The following MEGF11 variants were observed in gnomAD, a reference collection of about 807,000 sequenced individuals.
The protein encoded by MEGF11 is multiple EGF like domains 11.
MEGF11 carries 126 observed loss-of-function variants against 146.6 expected under a neutral mutation model. The ratio of observed to expected loss-of-function variants is 0.86; its 90% CI spans 0.74 to 1.00. The LOEUF is 1.00. Ranked by LOEUF, MEGF11 falls within the 50% of genes least tolerant of loss-of-function variation. MEGF11 has a pLI of 0.00. For missense variants in MEGF11, 1,509 were observed against 1,521.2 expected, an observed-to-expected ratio of 0.99 and a Z score of 0.13; for synonymous variants, 532 against 583.4, an observed-to-expected ratio of 0.91 and a Z score of 1.27.
chr15:66,067,849 G>A (rs2140450771), intron 5 of MEGF11, among the ~76,000 whole-genome samples: 1 of 152,334 alleles, frequency 6.6e-6, no homozygotes, highest in Admixed American at 6.5e-5. Flanking sequence ...GCATGATAAA[G>A]AGACAGCAGG....
chr15:66,194,861 TA>T (rs931984733), intron 1 of MEGF11, among the ~76,000 whole-genome samples: 2 of 151,942 alleles, frequency 1.3e-5, no homozygotes, highest in African/African-American at 2.4e-5. Flanking sequence ...ATGTAGTTTC[TA>T]AAAAAAATAA....
intron 5 of MEGF11, among the ~76,000 whole-genome samples, chr15:66,008,782 C>T (rs966386717): frequency 3.3e-5 from 5 of 151,822 alleles, no homozygotes; most frequent in East Asian, 1.9e-4. Flanking sequence ...CATGATTGTG[C>T]CCCTGCGCTC....
At chr15:66,024,627 G>A (rs2083267642) in intron 5 of MEGF11, among the ~76,000 whole-genome samples, 1 of 152,184 alleles carries the variant, frequency 6.6e-6, no homozygotes, top group Non-Finnish European at 1.5e-5. Context: ...GCCCCATCTT[G>A]CAGATGTGAA....
chr15:66,003,374 C>A (rs1044845017), intron 5 of MEGF11, among the ~76,000 whole-genome samples: 1 of 152,070 alleles, frequency 6.6e-6, no homozygotes, highest in Non-Finnish European at 1.5e-5. Context: ...CTGCCATGTG[C>A]CAGTGAGTTA....
chr15:66,121,569 A>C (rs2088026784), intron 3 of MEGF11, among the ~76,000 whole-genome samples: 1 of 152,200 alleles, frequency 6.6e-6, no homozygotes, highest in Non-Finnish European at 1.5e-5. Flanking sequence ...AAGTTAGCAC[A>C]ACAATACTCC....
chr15:66,239,516 G>A (rs2092164934), intron 1 of MEGF11, among the ~76,000 whole-genome samples: 1 of 152,162 alleles, frequency 6.6e-6, no homozygotes, highest in South Asian at 2.1e-4. Context: ...CTACATATGC[G>A]CTTTCCCAGA....
intron 5 of MEGF11, among the ~76,000 whole-genome samples, chr15:66,009,381 AG>A (rs1379089580): frequency 6.6e-6 from 1 of 151,794 alleles, no homozygotes; most frequent in East Asian, 1.9e-4. Flanking sequence ...TTCTGGGAAG[AG>A]GAAGTGTCCT....
chr15:66,124,130 C>G lies in MEGF11; in HGVS notation c.99-130G>C, dbSNP rs917556389. 4.3e-6 allele frequency: 3 copies of G among 701,110 alleles called. No individual in the cohort carries two copies. The African/African-American group carries it at 5.3e-5, about 12-fold the overall frequency. 43.4% of individuals were successfully genotyped at this position (701,110 alleles called of 1,614,324 possible). A position where few individuals can be genotyped will look rare whatever the true frequency, so the allele number is the denominator to read the frequency against. On this transcript the variant is annotated intron_variant, in intron 2 of 25. Transcript: ENST00000395614. ...CAAGTGTCCGGAGGCTCTGACCTCC[C>G]CCCTCCCAACTATCCTCCCCCTGCC...
At chr15:66,073,447 C>A (rs1157089158) in intron 5 of MEGF11, among the ~76,000 whole-genome samples, 2 of 152,198 alleles carry the variant, frequency 1.3e-5, no homozygotes, top group East Asian at 3.9e-4. Context: ...CTCCATTTAT[C>A]TTATCTCCTC....
At chr15:66,166,182 G>C (rs1006579705) in intron 1 of MEGF11, among the ~76,000 whole-genome samples, 1 of 152,060 alleles carries the variant, frequency 6.6e-6, no homozygotes, top group South Asian at 2.1e-4. Flanking sequence ...GAACAAAATA[G>C]AACTCTGTGC....
chr15:66,229,150 A>T (rs2091912701), intron 1 of MEGF11, among the ~76,000 whole-genome samples: 1 of 152,086 alleles, frequency 6.6e-6, no homozygotes, highest in Admixed American at 6.6e-5. Flanking sequence ...TCAAGAAAAA[A>T]TGTTCTTAGT....
At chr15:66,137,302 C>G (rs191605205) in intron 1 of MEGF11, among the ~76,000 whole-genome samples, 2 of 152,254 alleles carry the variant, frequency 1.3e-5, no homozygotes, top group East Asian at 3.9e-4. Flanking sequence ...TCACTATAGT[C>G]AGAAAAGCAA....
intron 5 of MEGF11, among the ~76,000 whole-genome samples, chr15:66,058,146 TG>T (rs918337184): frequency 2.0e-5 from 3 of 152,060 alleles, no homozygotes; most frequent in African/African-American, 7.2e-5. Flanking sequence ...TTCAATGAGA[TG>T]GGCTCACAGA....
In MEGF11 at chr15:66,010,229, A is replaced by C. The variant is rs542161559; in HGVS notation, c.395-27741T>G. Among the ~76,000 whole-genome samples the C allele has an allele frequency of 5.6e-5, 8 of 144,068 alleles. No homozygotes were observed. The East Asian group carries it at 1.6e-3, about 30-fold the overall frequency. The allele number at this position is 144,068 out of a possible 152,430, so 94.5% of individuals were successfully genotyped here. On this transcript the variant is annotated intron_variant, in intron 5 of 25. Transcript: ENST00000395614. ...TTTTTTTTTGAGACAGTCTCACTCT[A>C]TTACCCAGGCTGGAATGCAGTAGCA...
In MEGF11 at chr15:65,915,485, T is replaced by C; in HGVS notation, c.2458A>G (p.Ile820Val). Residue 820 changes from isoleucine to valine, a missense_variant, in exon 19 of 26, where the codon ATC (isoleucine) becomes GTC (valine). Transcript: ENST00000395614. ...TGTGTATTACCTTGGTCACACCTGA[T>C]TCCTTTGAAGCCAGGGCTGCAGTAA... The part of the protein sequence containing the change: ...TCYCSPGFKG[I>V]RCDQAALMME... The C allele has an allele frequency of 2.5e-6, 4 of 1,613,962 alleles. No homozygotes were observed. Among genetic ancestry groups the C allele is most frequent in the Non-Finnish European group, 3.4e-6 (4 of 1,179,876 alleles).
At chr15:66,210,812 G>C (rs2091427281) in intron 1 of MEGF11, among the ~76,000 whole-genome samples, 1 of 152,182 alleles carries the variant, frequency 6.6e-6, no homozygotes, top group African/African-American at 2.4e-5. Context: ...GGCAAACATG[G>C]CAACATCTCT....
At chr15:65,970,990 A>G in intron 7 of MEGF11, 1 of 419,588 alleles carries the variant, frequency 2.4e-6, no homozygotes, top group South Asian at 2.8e-5. Flanking sequence ...GAAAGAGCCA[A>G]AAAAACCGCT....
At chr15:66,054,911 G>A (rs1408721649) in intron 5 of MEGF11, among the ~76,000 whole-genome samples, 1 of 152,060 alleles carries the variant, frequency 6.6e-6, no homozygotes, top group Non-Finnish European at 1.5e-5. Context: ...AGGGAAGAAG[G>A]GAATAGTCCA....
chr15:66,117,123 T>G (rs1217683130), intron 4 of MEGF11, among the ~76,000 whole-genome samples: 2 of 152,154 alleles, frequency 1.3e-5, no homozygotes, highest in Non-Finnish European at 2.9e-5. Flanking sequence ...GTGATCAGAA[T>G]GGTGCCTGGC....
Sources: allele counts gnomAD v4.1 joint callset (sites outside exome capture counted in the v4.1 genomes callset), GRCh38; gene constraint gnomAD v4.1.1; transcripts MANE v1.5; gene names NCBI Gene and HGNC (gene_info 2026-07-23, HGNC 2026-07-21).